HECW1: variants seen among roughly 807,000 people sequenced by gnomAD.
HECW1 encodes E3 ubiquitin-protein ligase HECW1.
HECW1 carries 61 observed loss-of-function variants against 182.3 expected under a neutral mutation model. The ratio of observed to expected loss-of-function variants is 0.33; its 90% CI spans 0.27 to 0.41. The LOEUF is 0.41. Ranked by LOEUF, HECW1 falls within the 10% of genes least tolerant of loss-of-function variation. The probability of loss-of-function intolerance (pLI) is 1.00; values close to 1 mark genes in which losing one functional copy is unlikely to be tolerated. For synonymous variants in HECW1, 859 were observed against 832.6 expected (o/e 1.03, Z -0.55); for missense variants, 1,739 against 2,108.9 (o/e 0.82, Z 3.44).
At chr7:43,496,252 T>A (rs2079118537) in intron 19 of HECW1, among the ~76,000 whole-genome samples, 1 of 151,330 alleles carries the variant, frequency 6.6e-6, no homozygotes, top group Non-Finnish European at 1.5e-5. Context: ...GAGATGCTGA[T>A]GGAAGCACTT....
At chr7:43,253,825 C>T (rs2240272) in intron 3 of HECW1, among the ~76,000 whole-genome samples, 71,788 of 151,822 alleles carry the variant, frequency 0.47, 18,903 homozygotes, top group African/African-American at 0.71. Flanking sequence ...GAAGAGTCGC[C>T]TGAACCTGGA....
At position 43,418,264 on chromosome 7, in the gene HECW1, G is replaced by C. The variant is rs144961003; in HGVS notation, c.801+10533G>C. 3.5e-3 allele frequency among the ~76,000 whole-genome samples: 533 copies of C among 152,288 alleles called. 2 individuals carry two copies. The highest frequency in any genetic ancestry group is 0.012 in the African/African-American group (510 of 41,548). ...TTTCCAAATAAGTTTGCATTCAAAAGCACCAGGGTCTTAGACTTCAGCATA... is the reference window on the plus strand; with the variant it reads ...TTTCCAAATAAGTTTGCATTCAAAACCACCAGGGTCTTAGACTTCAGCATA... On this transcript the variant is annotated intron_variant, in intron 8 of 29. Coordinates refer to ENST00000395891, the MANE Select transcript of HECW1 (RefSeq NM_015052.5).
chr7:43,404,749 G>A (rs1029687339), intron 7 of HECW1, among the ~76,000 whole-genome samples: 1 of 152,062 alleles, frequency 6.6e-6, no homozygotes, highest in African/African-American at 2.4e-5. Flanking sequence ...GGAGGCCGAG[G>A]TAGATCACCC....
At chr7:43,274,607 G>GC (rs1160530055) in intron 3 of HECW1, 3 of 410,014 alleles carry the variant, frequency 7.3e-6, no homozygotes. Flanking sequence ...CCCCGGGTGT[G>GC]CCCCAAATAA....
rs1562930993 is a variant in HECW1, at chr7:43,397,047, A to G, written c.631+158A>G. On this transcript the variant is annotated intron_variant, in intron 7 of 29. Coordinates refer to ENST00000395891, the MANE Select transcript of HECW1 (RefSeq NM_015052.5). The stretch of plus-strand genomic sequence containing the variant: ...CAAAAATGTTTTTTAAATCTGTTCA[A>G]TTTCCCTTGACCACATAAGGATAAT... Among the ~76,000 whole-genome samples, 4 of 152,340 alleles carry G rather than the reference A, an allele frequency of 2.6e-5. No individual in the cohort carries two copies. In the South Asian group the frequency reaches 6.2e-4, roughly 24 times the overall value.
chr7:43,325,652 C>T (rs999331738), intron 5 of HECW1, among the ~76,000 whole-genome samples: 1 of 152,016 alleles, frequency 6.6e-6, no homozygotes, highest in Non-Finnish European at 1.5e-5. Flanking sequence ...GCACCGCCTC[C>T]TCACAGCTGT....
chr7:43,293,915 G>A (rs139641588), intron 3 of HECW1, among the ~76,000 whole-genome samples: 214 of 152,154 alleles, frequency 1.4e-3, no homozygotes, highest in Non-Finnish European at 2.2e-3. Flanking sequence ...TTAGATTTTC[G>A]TAGGAGCATG....
intron 3 of HECW1, among the ~76,000 whole-genome samples, chr7:43,251,684 G>A (rs1047508551): frequency 2.0e-5 from 3 of 152,082 alleles, no homozygotes; most frequent in South Asian, 2.1e-4. Flanking sequence ...TTGGAGTTAC[G>A]GGTTCATTAC....
intron 19 of HECW1, among the ~76,000 whole-genome samples, chr7:43,494,455 A>G (rs1282498915): frequency 4.0e-5 from 6 of 151,682 alleles, no homozygotes; most frequent in African/African-American, 1.2e-4. Context: ...TGACCTCCCT[A>G]CCCTTCAAAA....
At chr7:43,407,251 C>A (rs956134811) in intron 7 of HECW1, among the ~76,000 whole-genome samples, 5 of 152,154 alleles carry the variant, frequency 3.3e-5, no homozygotes, top group African/African-American at 1.2e-4. Context: ...TCTGCCAATT[C>A]TCTCACCTTA....
chr7:43,288,195 T>C (rs1010295550), intron 3 of HECW1, among the ~76,000 whole-genome samples: 1 of 152,152 alleles, frequency 6.6e-6, no homozygotes, highest in Non-Finnish European at 1.5e-5. Context: ...AGGACTGAAC[T>C]TTCTCAATGA....
At chr7:43,146,740 C>T (rs1214599023) in intron 2 of HECW1, among the ~76,000 whole-genome samples, 1 of 152,210 alleles carries the variant, frequency 6.6e-6, no homozygotes, top group Non-Finnish European at 1.5e-5. Context: ...GGGATGCCCA[C>T]TCCATGCAGA....
chr7:43,364,664 G>A (rs969469930), intron 6 of HECW1, among the ~76,000 whole-genome samples: 5 of 152,248 alleles, frequency 3.3e-5, no homozygotes, highest in South Asian at 2.1e-4. Flanking sequence ...ACAAAGGCAC[G>A]GGGTGAGAAA....
chr7:43,530,496 A>G (rs2080938733), intron 24 of HECW1, among the ~76,000 whole-genome samples: 2 of 136,964 alleles, frequency 1.5e-5, no homozygotes, highest in Non-Finnish European at 3.2e-5. Flanking sequence ...AAGTTTTTCC[A>G]TATCTTTTAT....
intron 5 of HECW1, among the ~76,000 whole-genome samples, chr7:43,346,877 C>A (rs529505782): frequency 6.6e-6 from 1 of 152,270 alleles, no homozygotes; most frequent in Non-Finnish European, 1.5e-5. Context: ...CAGTACCATG[C>A]TGTTTTGGTG....
At chr7:43,531,205 C>T (rs2080970191) in intron 24 of HECW1, among the ~76,000 whole-genome samples, 1 of 152,220 alleles carries the variant, frequency 6.6e-6, no homozygotes, top group Non-Finnish European at 1.5e-5. Flanking sequence ...ATTCATTCTT[C>T]CAGGCTAATT....
intron 2 of HECW1, among the ~76,000 whole-genome samples, chr7:43,209,823 A>G (rs1004786205): frequency 2.1e-4 from 32 of 152,194 alleles, no homozygotes; most frequent in African/African-American, 7.5e-4. Context: ...ATTCCAGAAG[A>G]GTGAAGGGAG....
At chr7:43,122,728 T>A (rs1052894090) in intron 2 of HECW1, among the ~76,000 whole-genome samples, 2 of 152,212 alleles carry the variant, frequency 1.3e-5, no homozygotes, top group African/African-American at 4.8e-5. Context: ...ACTATATGTA[T>A]AATAAATGTT....
At chr7:43,343,670 T>C (rs2152801898) in intron 5 of HECW1, among the ~76,000 whole-genome samples, 1 of 152,040 alleles carries the variant, frequency 6.6e-6, no homozygotes, top group South Asian at 2.1e-4. Context: ...CTATCATTGA[T>C]GGACATTTGG....
Sources: allele counts gnomAD v4.1 joint callset (sites outside exome capture counted in the v4.1 genomes callset), GRCh38; gene constraint gnomAD v4.1.1; transcripts MANE v1.5; gene names NCBI Gene and HGNC (gene_info 2026-07-23, HGNC 2026-07-21).